The following SOBP variants were observed in gnomAD, a reference collection of about 807,000 sequenced individuals.
SOBP encodes sine oculis binding protein homolog.
A neutral mutation model predicts 53.6 loss-of-function variants in SOBP; 4 were observed. That is an observed-to-expected ratio of 0.07 (90% CI 0.04 to 0.17). SOBP has a LOEUF of 0.17. Among genes scored for constraint, SOBP ranks in the 10% least tolerant of loss-of-function variants. The pLI is 1.00. For synonymous variants in SOBP, 584 were observed against 522.6 expected, an observed-to-expected ratio of 1.12 and a Z score of -1.60; for missense variants, 1,088 against 1,204.7, an observed-to-expected ratio of 0.90 and a Z score of 1.43.
At chr6:107,550,389 G>T (rs1323738815) in intron 4 of SOBP, among the ~76,000 whole-genome samples, 23 of 152,198 alleles carry the variant, frequency 1.5e-4, no homozygotes, top group Admixed American at 1.5e-3. Flanking sequence ...TCCTGTGCTT[G>T]TGTGGAAGTT....
chr6:107,646,625 C>T (rs537204422), intron 6 of SOBP, among the ~76,000 whole-genome samples: 45 of 152,200 alleles, frequency 3.0e-4, no homozygotes, highest in African/African-American at 8.7e-4. Flanking sequence ...TAGACATCTC[C>T]GGAGATTTTC....
chr6:107,642,557 G>C (rs1368071537), intron 6 of SOBP, among the ~76,000 whole-genome samples: 1 of 152,182 alleles, frequency 6.6e-6, no homozygotes, highest in Non-Finnish European at 1.5e-5. Context: ...CAGATGTACA[G>C]CCCTGAGTAG....
intron 5 of SOBP, among the ~76,000 whole-genome samples, chr6:107,616,724 G>A (rs996305121): frequency 1.3e-5 from 2 of 152,238 alleles, no homozygotes; most frequent in Non-Finnish European, 2.9e-5. Context: ...GCGTGGATTC[G>A]GGTCTGATGA....
intron 4 of SOBP, among the ~76,000 whole-genome samples, chr6:107,557,317 C>G (rs1480415208): frequency 6.6e-6 from 1 of 152,098 alleles, no homozygotes; most frequent in Non-Finnish European, 1.5e-5. Context: ...ATTTGAAAAG[C>G]AAAGATACAT....
At chr6:107,633,412 G>A (rs1770805302) in intron 5 of SOBP, 102 bp from the exon 6 acceptor site, 1 of 1,402,270 alleles carries the variant, frequency 7.1e-7, no homozygotes, top group Non-Finnish European at 1.0e-6. Context: ...TTTGAGAAGT[G>A]CTGGTAAAGT....
intron 5 of SOBP, among the ~76,000 whole-genome samples, chr6:107,614,941 C>T (rs1483570973): frequency 1.3e-5 from 2 of 152,194 alleles, no homozygotes; most frequent in Non-Finnish European, 2.9e-5. Context: ...TTGTTTCCGT[C>T]TGGTTATAAA....
chr6:107,519,971 G>A (rs1783432569), intron 3 of SOBP, among the ~76,000 whole-genome samples: 1 of 152,130 alleles, frequency 6.6e-6, no homozygotes, highest in South Asian at 2.1e-4. Flanking sequence ...AGAAATTAAT[G>A]GAAGGGAATA....
At chr6:107,593,990 A>G (rs1785852177) in intron 5 of SOBP, among the ~76,000 whole-genome samples, 1 of 152,258 alleles carries the variant, frequency 6.6e-6, no homozygotes. Context: ...CTTATGAAGT[A>G]CTGCAGTATC....
At chr6:107,553,535 A>G (rs1230911624) in intron 4 of SOBP, among the ~76,000 whole-genome samples, 1 of 149,962 alleles carries the variant, frequency 6.7e-6, no homozygotes, top group African/African-American at 2.5e-5. Context: ...TCTGTCGCCC[A>G]GGCTGGAGTG....
At chr6:107,652,523 G>A (rs554237470) in intron 6 of SOBP, among the ~76,000 whole-genome samples, 2 of 152,342 alleles carry the variant, frequency 1.3e-5, no homozygotes, top group East Asian at 3.9e-4. Flanking sequence ...TGGTAAAGAT[G>A]CTGTGAACAA....
At chr6:107,555,947 C>G (rs998886273) in intron 4 of SOBP, among the ~76,000 whole-genome samples, 5 of 152,174 alleles carry the variant, frequency 3.3e-5, no homozygotes, top group African/African-American at 1.2e-4. Flanking sequence ...ATCAAATTTA[C>G]AAAACATCAG....
intron 5 of SOBP, among the ~76,000 whole-genome samples, chr6:107,624,526 G>A (rs1770371170): frequency 6.6e-6 from 1 of 152,240 alleles, no homozygotes; most frequent in Non-Finnish European, 1.5e-5. Context: ...CTGGCAAACA[G>A]TAGGTAGAAG....
chr6:107,550,799 A>G (rs912016729), intron 4 of SOBP, among the ~76,000 whole-genome samples: 1 of 152,252 alleles, frequency 6.6e-6, no homozygotes, highest in African/African-American at 2.4e-5. Flanking sequence ...AAACCAATGC[A>G]TAACCCTTAC....
In SOBP at chr6:107,633,917, C is replaced by T. The variant is rs769467435; in HGVS notation, c.1073C>T (p.Thr358Ile). The T allele has an allele frequency of 1.9e-6, 3 of 1,614,242 alleles. No homozygotes were observed. The highest frequency in any genetic ancestry group is 1.1e-5 in the South Asian group (1 of 91,090). The change falls in exon 6 of 7, where the codon ACT (threonine) becomes ATT (isoleucine). Residue 358 changes from threonine (T) to isoleucine (I), a missense_variant. Physicochemically the swap from Thr to Ile is moderately conservative, Grantham distance 89. Around this residue, in one of 6 missense-constraint regions of SOBP, gnomAD observed 211 missense variants for 258.9 expected, o/e 0.82. Transcript: ENST00000317357. The part of the protein sequence containing the change: ...PVPKSIPISE[T>I]PNIPPVSVQP... ...CCCAAGTCCATCCCCATCAGCGAGACTCCAAATATCCCTCCTGTCTCCGTC... is the reference window on the plus strand; with the variant it reads ...CCCAAGTCCATCCCCATCAGCGAGATTCCAAATATCCCTCCTGTCTCCGTC...
chr6:107,654,696 G>A (rs1771941249), intron 6 of SOBP, among the ~76,000 whole-genome samples: 1 of 152,238 alleles, frequency 6.6e-6, no homozygotes, highest in Admixed American at 6.5e-5. Context: ...GGCTCTGAGG[G>A]ATGGTGGCTG....
At chr6:107,649,194 T>G (rs1426356703) in intron 6 of SOBP, among the ~76,000 whole-genome samples, 1 of 108,484 alleles carries the variant, frequency 9.2e-6, no homozygotes. Flanking sequence ...AAAAAAACCA[T>G]CAGGAGCCAT....
chr6:107,490,776 G>A (rs975976809), intron 1 of SOBP, 64 bp downstream of exon 1: 2 of 1,284,980 alleles, frequency 1.6e-6, no homozygotes, highest in African/African-American at 1.5e-5. Flanking sequence ...CCCGTGGGCC[G>A]TGGTATGGAT....
At chr6:107,607,123 A>G (rs570745287) in intron 5 of SOBP, among the ~76,000 whole-genome samples, 14 of 152,286 alleles carry the variant, frequency 9.2e-5, no homozygotes, top group Admixed American at 6.5e-4. Context: ...TACATTTTCC[A>G]GGACACCTGG....
At chr6:107,554,446 G>A (rs1198718491) in intron 4 of SOBP, among the ~76,000 whole-genome samples, 1 of 152,204 alleles carries the variant, frequency 6.6e-6, no homozygotes, top group Non-Finnish European at 1.5e-5. Flanking sequence ...CCTGTCAGAT[G>A]CAGCGTAATA....
Sources: gnomAD v4.1 joint callset for allele counts (sites outside exome capture counted in the v4.1 genomes callset) on GRCh38, gnomAD v4.1.1 for gene constraint, gnomAD v4.1.1 regional missense constraint, MANE v1.5 for transcripts, NCBI Gene and HGNC (gene_info 2026-07-23, HGNC 2026-07-21) for gene names.